SLC14A2: variants seen among roughly 807,000 people sequenced by gnomAD.
SLC14A2 encodes solute carrier family 14 member 2, also known as urea transporter 2.
A neutral mutation model predicts 104.6 loss-of-function variants in SLC14A2; 91 were observed. The ratio of observed to expected loss-of-function variants is 0.87; its 90% CI spans 0.73 to 1.04. The LOEUF is 1.04. Among genes scored for constraint, SLC14A2 ranks in the 50% least tolerant of loss-of-function variants. SLC14A2 has a pLI of 0.00. For missense variants in SLC14A2, 1,189 were observed against 1,156.0 expected, an observed-to-expected ratio of 1.03 and a Z score of -0.41; for synonymous variants, 476 against 466.4, an observed-to-expected ratio of 1.02 and a Z score of -0.27.
At chr18:45,474,135 T>A (rs1359968823) in intron 1 of SLC14A2, among the ~76,000 whole-genome samples, 1 of 152,190 alleles carries the variant, frequency 6.6e-6, no homozygotes, top group Non-Finnish European at 1.5e-5. Context: ...GTTGAGATAA[T>A]CATGTGGTTT....
chr18:45,333,696 T>G (rs1041487329), intron 1 of SLC14A2, among the ~76,000 whole-genome samples: 3 of 152,184 alleles, frequency 2.0e-5, no homozygotes, highest in Non-Finnish European at 2.9e-5. Flanking sequence ...CTTATGCCAC[T>G]TATAGCCAAC....
At chr18:45,298,169 C>G (rs1295380935) in intron 1 of SLC14A2, among the ~76,000 whole-genome samples, 1 of 152,114 alleles carries the variant, frequency 6.6e-6, no homozygotes, top group Non-Finnish European at 1.5e-5. Flanking sequence ...TAACACCATT[C>G]CCTATAAAAT....
chr18:45,577,537 G>A (rs913161081), intron 2 of SLC14A2, among the ~76,000 whole-genome samples: 3 of 152,204 alleles, frequency 2.0e-5, no homozygotes, highest in Admixed American at 6.5e-5. Context: ...TGATTAATGG[G>A]CCCCTTTCCC....
rs528173261 is a variant in SLC14A2, at chr18:45,254,017, C to T, written c.-125+40826C>T. 3.3e-5 allele frequency among the ~76,000 whole-genome samples: 5 copies of T among 152,134 alleles called. No homozygotes were observed. In the South Asian group the frequency reaches 8.3e-4, roughly 25 times the overall value. On this transcript the variant is annotated intron_variant, in intron 1 of 20. Coordinates refer to the SLC14A2 transcript ENST00000586448. Reference sequence around the variant, plus strand: ...AAGTTTCATAGCAGAACCAAAGGACCGAACGCTAGAAGGGGCCCTAGGGGT... The same window carrying T: ...AAGTTTCATAGCAGAACCAAAGGACTGAACGCTAGAAGGGGCCCTAGGGGT...
intron 1 of SLC14A2, among the ~76,000 whole-genome samples, chr18:45,268,890 G>A (rs1480768447): frequency 6.6e-6 from 1 of 151,918 alleles, no homozygotes; most frequent in Non-Finnish European, 1.5e-5. Flanking sequence ...TGAAGTGGAG[G>A]CACCAAGGGG....
At chr18:45,251,253 C>G (rs1311261204) in intron 1 of SLC14A2, among the ~76,000 whole-genome samples, 1 of 152,192 alleles carries the variant, frequency 6.6e-6, no homozygotes, top group African/African-American at 2.4e-5. Flanking sequence ...GTTTAGCTCT[C>G]ACTTATGAGT....
At chr18:45,413,836 C>T (rs757033704) in intron 1 of SLC14A2, among the ~76,000 whole-genome samples, 4 of 152,114 alleles carry the variant, frequency 2.6e-5, no homozygotes, top group South Asian at 2.1e-4. Flanking sequence ...AGTTATCTCA[C>T]GTATAAAATA....
At chr18:45,506,724 T>G (rs1373853352) in intron 2 of SLC14A2, among the ~76,000 whole-genome samples, 2 of 152,210 alleles carry the variant, frequency 1.3e-5, no homozygotes, top group Non-Finnish European at 2.9e-5. Flanking sequence ...ACACCTTAGT[T>G]GTGGATTTCT....
intron 1 of SLC14A2, among the ~76,000 whole-genome samples, chr18:45,386,335 A>G (rs143592704): frequency 8.0e-4 from 122 of 152,332 alleles, no homozygotes; most frequent in African/African-American, 2.9e-3. Flanking sequence ...CCAGTACAAG[A>G]ACTCAGTTTT....
At chr18:45,283,499 A>C (rs1417559774) in intron 1 of SLC14A2, among the ~76,000 whole-genome samples, 1 of 151,712 alleles carries the variant, frequency 6.6e-6, no homozygotes, top group East Asian at 1.9e-4. Flanking sequence ...ATTAAAAACT[A>C]ATATATCATC....
chr18:45,629,897 A>G (rs936932669), intron 4 of SLC14A2, among the ~76,000 whole-genome samples: 1 of 152,168 alleles, frequency 6.6e-6, no homozygotes, highest in Non-Finnish European at 1.5e-5. Flanking sequence ...TCAACATCAC[A>G]TTTGTCCCTA....
intron 1 of SLC14A2, among the ~76,000 whole-genome samples, chr18:45,453,005 G>A (rs1020741170): frequency 2.0e-5 from 3 of 152,132 alleles, no homozygotes; most frequent in Non-Finnish European, 2.9e-5. Flanking sequence ...GTTCAACCCC[G>A]GACATCTTAG....
intron 1 of SLC14A2, among the ~76,000 whole-genome samples, chr18:45,271,962 T>C (rs2084655952): frequency 6.6e-6 from 1 of 152,004 alleles, no homozygotes; most frequent in African/African-American, 2.4e-5. Context: ...CATAAACTAA[T>C]GGAACAGAAT....
At chr18:45,230,115 G>T (rs2084160105) in intron 1 of SLC14A2, among the ~76,000 whole-genome samples, 1 of 152,190 alleles carries the variant, frequency 6.6e-6, no homozygotes, top group South Asian at 2.1e-4. Context: ...ATTATTGGCT[G>T]ATCCCACTCT....
chr18:45,665,659 A>G (rs1435083662), intron 11 of SLC14A2, among the ~76,000 whole-genome samples: 1 of 148,430 alleles, frequency 6.7e-6, no homozygotes, highest in Non-Finnish European at 1.5e-5. Flanking sequence ...ATGAACAGGA[A>G]GTGAAGGGCT....
In SLC14A2 at chr18:45,682,694, C is replaced by T; in HGVS notation, c.*175C>T. The T allele has an allele frequency of 1.6e-6, 1 of 617,624 alleles. No homozygotes were observed. The allele number at this position is 617,624 out of a possible 1,614,324, so 38.3% of individuals were successfully genotyped here. A position where few individuals can be genotyped will look rare whatever the true frequency, so the allele number is the denominator to read the frequency against. The stretch of plus-strand genomic sequence containing the variant: ...AACCTCTCTTTTCTAAGATGCACAA[C>T]ACTTATCAAAGATATGTTTAGTTTA... On this transcript the variant is annotated 3_prime_UTR_variant, in exon 20 of 20. Coordinates refer to ENST00000255226, the MANE Select transcript of SLC14A2 (RefSeq NM_007163.4).
At chr18:45,319,575 A>G (rs565674124) in intron 1 of SLC14A2, among the ~76,000 whole-genome samples, 5 of 152,226 alleles carry the variant, frequency 3.3e-5, no homozygotes, top group Non-Finnish European at 5.9e-5. Flanking sequence ...GCACATGTCT[A>G]GCCTCTAGGA....
chr18:45,182,138 A>T, the SLC14A2 span, among the ~76,000 whole-genome samples: 1,449 of 152,134 alleles, frequency 9.5e-3, 29 homozygotes, highest in African/African-American at 0.034. Flanking sequence ...AATCTAAAAA[A>T]TAAAGAGAGT....
chr18:45,228,930 T>G (rs2084147086), intron 1 of SLC14A2, among the ~76,000 whole-genome samples: 1 of 152,142 alleles, frequency 6.6e-6, no homozygotes, highest in Admixed American at 6.6e-5. Flanking sequence ...GTCATGTGAT[T>G]AAACATTGGC....
Sources: gnomAD v4.1 joint callset for allele counts (sites outside exome capture counted in the v4.1 genomes callset) on GRCh38, gnomAD v4.1.1 for gene constraint, MANE v1.5 for transcripts, NCBI Gene and HGNC (gene_info 2026-07-23, HGNC 2026-07-21) for gene names.